SLC9A9: variants seen among roughly 807,000 people sequenced by gnomAD.
SLC9A9 encodes solute carrier family 9 member A9.
SLC9A9 carries 62 observed loss-of-function variants against 77.8 expected under a neutral mutation model. That is an observed-to-expected ratio of 0.80 (90% CI 0.65 to 0.98). The LOEUF (loss-of-function observed/expected upper bound fraction) is 0.98, where lower values mean the gene tolerates loss of function less well. Ranked by LOEUF, SLC9A9 falls within the 50% of genes least tolerant of loss-of-function variation. The pLI, the probability that SLC9A9 is intolerant of heterozygous loss-of-function variation, is 0.00. For missense variants in SLC9A9, 775 were observed against 774.9 expected, an observed-to-expected ratio of 1.00 and a Z score of 0.00; for synonymous variants, 320 against 283.5, an observed-to-expected ratio of 1.13 and a Z score of -1.29.
chr3:143,815,181 G>A (rs1248219943), intron 2 of SLC9A9, among the ~76,000 whole-genome samples: 1 of 152,176 alleles, frequency 6.6e-6, no homozygotes, highest in Non-Finnish European at 1.5e-5. Context: ...TTTTAAAATG[G>A]GGAGAAATTT....
chr3:143,709,545 A>G (rs1934085779), intron 4 of SLC9A9, among the ~76,000 whole-genome samples: 1 of 152,164 alleles, frequency 6.6e-6, no homozygotes, highest in Non-Finnish European at 1.5e-5. Flanking sequence ...CCATTAGTGT[A>G]CCCTGATGGC....
In SLC9A9 at chr3:143,484,948, C is replaced by A. The variant is rs150183123; in HGVS notation, c.1315+8705G>T. 5.0e-3 allele frequency among the ~76,000 whole-genome samples: 766 copies of A among 152,322 alleles called. 7 individuals are homozygous for A. Among genetic ancestry groups the A allele is most frequent in the Middle Eastern group, 0.027 (8 of 294 alleles). On this transcript the variant is annotated intron_variant, in intron 11 of 15. Transcript: ENST00000316549. ...TGTTTCCCTACCTAGACAACTATTA[C>A]ACTGGCAGAATTTGTATGATGTAAC...
At chr3:143,327,716 T>G (rs1310646393) in intron 14 of SLC9A9, among the ~76,000 whole-genome samples, 1 of 152,194 alleles carries the variant, frequency 6.6e-6, no homozygotes, top group Non-Finnish European at 1.5e-5. Flanking sequence ...GGGGGTAATA[T>G]TCTAAATGTA....
intron 12 of SLC9A9, among the ~76,000 whole-genome samples, chr3:143,452,125 A>T (rs1345654014): frequency 6.6e-6 from 1 of 152,144 alleles, no homozygotes; most frequent in Non-Finnish European, 1.5e-5. Context: ...AAAGATTGTT[A>T]GAAACAGGAT....
chr3:143,405,971 T>C (rs1047725420), intron 12 of SLC9A9, among the ~76,000 whole-genome samples: 1 of 152,232 alleles, frequency 6.6e-6, no homozygotes, highest in Non-Finnish European at 1.5e-5. Context: ...TTAAATGCCT[T>C]TTTTGTTGAA....
intron 4 of SLC9A9, among the ~76,000 whole-genome samples, chr3:143,723,267 A>G (rs1317765215): frequency 6.6e-6 from 1 of 151,842 alleles, no homozygotes; most frequent in Non-Finnish European, 1.5e-5. Context: ...AAAAAATGAA[A>G]CAAAAACAAA....
At chr3:143,472,301 G>A (rs146826370) in intron 11 of SLC9A9, among the ~76,000 whole-genome samples, 2,788 of 152,278 alleles carry the variant, frequency 0.018, 41 homozygotes, top group Non-Finnish European at 0.026. Flanking sequence ...ATAGTTTGAT[G>A]AGGAAAAAGA....
chr3:143,324,008 T>G (rs114155199), intron 14 of SLC9A9, among the ~76,000 whole-genome samples: 4,294 of 152,232 alleles, frequency 0.028, 77 homozygotes, highest in South Asian at 0.04. Flanking sequence ...ACATTTTCTT[T>G]TCCACTATAT....
chr3:143,477,239 T>C (rs988099168), intron 11 of SLC9A9, among the ~76,000 whole-genome samples: 4 of 152,242 alleles, frequency 2.6e-5, no homozygotes, highest in African/African-American at 9.6e-5. Context: ...CAGCTTCTTA[T>C]CCTTGGCTTT....
chr3:143,343,901 C>A (rs560736988), intron 14 of SLC9A9, among the ~76,000 whole-genome samples: 1 of 152,288 alleles, frequency 6.6e-6, no homozygotes, highest in South Asian at 2.1e-4. Flanking sequence ...AACCAGCTTG[C>A]AAGTTATGGC....
chr3:143,642,339 A>T (rs2038638253), intron 6 of SLC9A9, among the ~76,000 whole-genome samples: 1 of 152,122 alleles, frequency 6.6e-6, no homozygotes, highest in African/African-American at 2.4e-5. Flanking sequence ...ATGATCTCAC[A>T]TTTCACAACA....
At chr3:143,355,403 AT>A (rs1559880449) in intron 14 of SLC9A9, among the ~76,000 whole-genome samples, 1 of 152,230 alleles carries the variant, frequency 6.6e-6, no homozygotes, top group African/African-American at 2.4e-5. Context: ...GTGTTAATTC[AT>A]TTAATTATCA....
chr3:143,275,947 C>T (rs182277245), intron 14 of SLC9A9, among the ~76,000 whole-genome samples: 9 of 152,300 alleles, frequency 5.9e-5, no homozygotes, highest in African/African-American at 2.2e-4. Context: ...AGAGTTCTCT[C>T]TTCGGTTGTT....
chr3:143,419,204 G>A (rs902827762), intron 12 of SLC9A9, among the ~76,000 whole-genome samples: 2 of 152,132 alleles, frequency 1.3e-5, no homozygotes, highest in African/African-American at 2.4e-5. Flanking sequence ...GGTAATGAAC[G>A]CTGATACTTA....
At chr3:143,673,412 A>G (rs1386919233) in intron 5 of SLC9A9, among the ~76,000 whole-genome samples, 1 of 152,204 alleles carries the variant, frequency 6.6e-6, no homozygotes, top group African/African-American at 2.4e-5. Context: ...TAAGGTATAG[A>G]TGGTGACTTA....
At chr3:143,652,137 T>G in intron 6 of SLC9A9, 118 bp downstream of exon 6, 1 of 817,066 alleles carries the variant, frequency 1.2e-6, no homozygotes, top group Admixed American at 2.1e-5. Context: ...TTTTCTGTGA[T>G]AACAATTCCT....
chr3:143,458,929 A>C (rs2035141429), intron 12 of SLC9A9, among the ~76,000 whole-genome samples: 1 of 152,094 alleles, frequency 6.6e-6, no homozygotes, highest in Admixed American at 6.5e-5. Context: ...TAAAGAGCAG[A>C]TCTGCTGGTG....
At chr3:143,283,106 T>C (rs1938274883) in intron 14 of SLC9A9, among the ~76,000 whole-genome samples, 1 of 152,244 alleles carries the variant, frequency 6.6e-6, no homozygotes, top group Non-Finnish European at 1.5e-5. Context: ...TAATGCCCAG[T>C]AGGCAGAAAT....
chr3:143,826,695 A>T (rs1307351566), intron 2 of SLC9A9, among the ~76,000 whole-genome samples: 1 of 152,124 alleles, frequency 6.6e-6, no homozygotes, highest in Non-Finnish European at 1.5e-5. Context: ...AACAAATTGG[A>T]AATGCTTTTT....
Sources: gnomAD v4.1 joint callset for allele counts (sites outside exome capture counted in the v4.1 genomes callset) on GRCh38, gnomAD v4.1.1 for gene constraint, MANE v1.5 for transcripts, NCBI Gene and HGNC (gene_info 2026-07-23, HGNC 2026-07-21) for gene names.